Variants in PDE7B observed in about 807,000 individuals in gnomAD.
The protein encoded by PDE7B is 3',5'-cyclic-AMP phosphodiesterase 7B.
Under a neutral mutation model 56.2 loss-of-function variants are expected in PDE7B, and 29 were observed. That is an observed-to-expected ratio of 0.52 (90% CI 0.38 to 0.70). The LOEUF is 0.70. Ranked by LOEUF, PDE7B falls within the 30% of genes least tolerant of loss-of-function variation. The pLI is 0.00. For missense variants in PDE7B, 490 were observed against 565.0 expected, an observed-to-expected ratio of 0.87 and a Z score of 1.35; for synonymous variants, 197 against 196.9, an observed-to-expected ratio of 1.00 and a Z score of 0.00.
chr6:136,156,162 A>AGTGTCTGTGTGTGTGT (rs1554283553), intron 8 of PDE7B: 1 of 248,158 alleles, frequency 4.0e-6, no homozygotes, highest in Non-Finnish European at 7.9e-6. Context: ...GAATGATCCA[A>AGTGTCTGTGTGTGTGT]GTGTGTGTGT....
At chr6:136,070,584 C>T (rs2128213867) in intron 2 of PDE7B, among the ~76,000 whole-genome samples, 1 of 152,000 alleles carries the variant, frequency 6.6e-6, no homozygotes, top group South Asian at 2.1e-4. Flanking sequence ...GGCATTGATC[C>T]AGATAGAATA....
intron 3 of PDE7B, among the ~76,000 whole-genome samples, chr6:136,110,508 GT>G (rs1161836795): frequency 2.0e-5 from 3 of 152,146 alleles, no homozygotes; most frequent in African/African-American, 7.2e-5. Context: ...CTTTTCAATA[GT>G]AGATGAGTGT....
intron 8 of PDE7B, among the ~76,000 whole-genome samples, chr6:136,157,455 G>A (rs143853347): frequency 0.017 from 2,599 of 152,290 alleles, 35 homozygotes; most frequent in Non-Finnish European, 0.027. Context: ...GCACATGCTT[G>A]TAATCCCAGC....
chr6:136,140,154 G>A (rs1224688444), intron 3 of PDE7B, among the ~76,000 whole-genome samples: 1 of 152,158 alleles, frequency 6.6e-6, no homozygotes, highest in Non-Finnish European at 1.5e-5. Flanking sequence ...TGTATAAGGT[G>A]TAAGGAAGGG....
chr6:136,176,581 A>G (rs1442389521), intron 9 of PDE7B, among the ~76,000 whole-genome samples: 3 of 152,128 alleles, frequency 2.0e-5, no homozygotes, highest in African/African-American at 4.8e-5. Context: ...ATTGTAAATA[A>G]CAATAGAATA....
chr6:135,878,202 G>C (rs557839201), intron 1 of PDE7B, among the ~76,000 whole-genome samples: 2 of 152,074 alleles, frequency 1.3e-5, no homozygotes, highest in South Asian at 4.2e-4. Context: ...TCTTTGCTAT[G>C]GTTCTTAGAA....
At chr6:135,877,753 A>C (rs1376494756) in intron 1 of PDE7B, among the ~76,000 whole-genome samples, 1 of 120,192 alleles carries the variant, frequency 8.3e-6, no homozygotes, top group African/African-American at 4.0e-5. Context: ...AAAACAAAAC[A>C]AAAAAAAAAA....
At chr6:136,151,956 A>G (rs925447938) in intron 6 of PDE7B, among the ~76,000 whole-genome samples, 3 of 152,072 alleles carry the variant, frequency 2.0e-5, no homozygotes, top group Non-Finnish European at 4.4e-5. Flanking sequence ...AAATAAATAA[A>G]TAAATAAATG....
In PDE7B at chr6:136,108,670, G is replaced by T. The variant is rs917633294; in HGVS notation, c.83-61G>T. The T allele has an allele frequency of 5.5e-6, 6 of 1,089,242 alleles. No individual in the cohort carries two copies. In the African/African-American group the frequency reaches 9.2e-5, roughly 17 times the overall value. The allele number at this position is 1,089,242 out of a possible 1,614,324, so 67.5% of individuals were successfully genotyped here. ...GGTTGGTTTCATTGAGGATTTACAGGGGAAAAGTGAATGCACGTGGCAATG... is the reference window on the plus strand; with the variant it reads ...GGTTGGTTTCATTGAGGATTTACAGTGGAAAAGTGAATGCACGTGGCAATG... On this transcript the variant is annotated intron_variant, in intron 2 of 12. Coordinates refer to ENST00000308191, the MANE Select transcript of PDE7B (RefSeq NM_018945.4).
intron 3 of PDE7B, among the ~76,000 whole-genome samples, chr6:136,133,757 C>G (rs1324860923): frequency 6.6e-6 from 1 of 152,082 alleles, no homozygotes; most frequent in Non-Finnish European, 1.5e-5. Flanking sequence ...TACTGCAATA[C>G]TAGGAGGAGA....
intron 2 of PDE7B, among the ~76,000 whole-genome samples, chr6:135,991,174 G>T (rs1177425166): frequency 1.3e-5 from 2 of 152,150 alleles, no homozygotes; most frequent in African/African-American, 4.8e-5. Context: ...ACCCTGTTTT[G>T]TCAGCAAGGT....
intron 2 of PDE7B, among the ~76,000 whole-genome samples, chr6:136,033,015 T>C (rs1472092047): frequency 6.6e-6 from 1 of 152,222 alleles, no homozygotes; most frequent in Non-Finnish European, 1.5e-5. Context: ...TTCTAAGAAG[T>C]TGACAGACTC....
intron 2 of PDE7B, among the ~76,000 whole-genome samples, chr6:136,085,551 C>T (rs557121105): frequency 6.6e-6 from 1 of 152,148 alleles, no homozygotes; most frequent in Non-Finnish European, 1.5e-5. Context: ...AGAAACAGCT[C>T]TGTGCCTGGC....
At chr6:136,074,801 C>G (rs1025604171) in intron 2 of PDE7B, among the ~76,000 whole-genome samples, 1 of 152,028 alleles carries the variant, frequency 6.6e-6, no homozygotes, top group Admixed American at 6.6e-5. Flanking sequence ...GTGTATGTGT[C>G]CCACATTTTC....
At chr6:136,099,218 T>C (rs1777521399) in intron 2 of PDE7B, among the ~76,000 whole-genome samples, 1 of 152,324 alleles carries the variant, frequency 6.6e-6, no homozygotes. Flanking sequence ...CTATTGTGAA[T>C]AGTGCTGCAA....
At chr6:135,934,399 T>C (rs1043519153) in intron 1 of PDE7B, among the ~76,000 whole-genome samples, 3 of 152,040 alleles carry the variant, frequency 2.0e-5, no homozygotes, top group East Asian at 1.9e-4. Context: ...ATTTTGGTAA[T>C]ATTTGTCAGT....
chr6:136,090,902 T>C (rs983364317), intron 2 of PDE7B, among the ~76,000 whole-genome samples: 4 of 152,174 alleles, frequency 2.6e-5, no homozygotes, highest in African/African-American at 9.6e-5. Flanking sequence ...CATTTCAAAA[T>C]ACTCTACAAG....
chr6:135,926,309 A>T (rs112896653), intron 1 of PDE7B, among the ~76,000 whole-genome samples: 4 of 151,936 alleles, frequency 2.6e-5, no homozygotes, highest in South Asian at 2.1e-4. Flanking sequence ...GGATGGTCTC[A>T]ATCTCCTGAC....
At chr6:135,943,656 C>T (rs1307672700) in intron 1 of PDE7B, among the ~76,000 whole-genome samples, 1 of 152,212 alleles carries the variant, frequency 6.6e-6, no homozygotes, top group East Asian at 1.9e-4. Flanking sequence ...AGAGGCACAG[C>T]ACTTAGTACA....
Sources: gnomAD v4.1 joint callset for allele counts (sites outside exome capture counted in the v4.1 genomes callset) on GRCh38, gnomAD v4.1.1 for gene constraint, MANE v1.5 for transcripts, NCBI Gene and HGNC (gene_info 2026-07-23, HGNC 2026-07-21) for gene names.